CSNK1A1: variants seen among roughly 807,000 people sequenced by gnomAD.
CSNK1A1 encodes the protein casein kinase 1 alpha 1, also known as casein kinase I isoform alpha.
A neutral mutation model predicts 46.1 loss-of-function variants in CSNK1A1; 7 were observed. That is an observed-to-expected ratio of 0.15 (90% CI 0.09 to 0.29). CSNK1A1 has a LOEUF of 0.29. Ranked by LOEUF, CSNK1A1 falls within the 10% of genes least tolerant of loss-of-function variation. CSNK1A1 has a pLI of 1.00. For missense variants in CSNK1A1, 96 were observed against 417.1 expected, an observed-to-expected ratio of 0.23 and a Z score of 6.71; for synonymous variants, 137 against 141.5, an observed-to-expected ratio of 0.97 and a Z score of 0.23.
In CSNK1A1 at chr5:149,495,231, AAAC is replaced by A. The variant is rs1413214778; in HGVS notation, c.*1619_*1621del. 1.3e-5 allele frequency: 2 copies of A among 152,232 alleles called. No individual in the cohort carries two copies. Among genetic ancestry groups the A allele is most frequent in the Non-Finnish European group, 2.9e-5 (2 of 68,042 alleles). The allele number at this position is 152,232 out of a possible 1,614,324, so 9.4% of individuals were successfully genotyped here. A position where few individuals can be genotyped will look rare whatever the true frequency, so the allele number is the denominator to read the frequency against. On this transcript the variant is annotated 3_prime_UTR_variant, in exon 10 of 10. Transcript: ENST00000377843. ...TTTCAAATAAAAAAAAGAAAAAAGA[AAAC>A]AAAACAAATTAAACTTGACACAATC...
At position 149,493,054 on chromosome 5, in the gene CSNK1A1, C is replaced by T. The variant is rs749568712; in HGVS notation, c.*3799G>A. The stretch of plus-strand genomic sequence containing the variant: ...TATAATCCTTCAAGTGGCTCCTGTG[C>T]CCTTTTGACATGTATCCACCTTTTT... On this transcript the variant is annotated 3_prime_UTR_variant, in exon 10 of 10. Transcript: ENST00000377843. 2.0e-5 allele frequency: 3 copies of T among 152,174 alleles called. No homozygotes were observed. Among genetic ancestry groups the T allele is most frequent in the Non-Finnish European group, 4.4e-5 (3 of 68,050 alleles). 9.4% of individuals were successfully genotyped at this position (152,174 alleles called of 1,614,324 possible). A position where few individuals can be genotyped will look rare whatever the true frequency, so the allele number is the denominator to read the frequency against.
At chr5:149,545,818 G>A (rs532990036) in intron 2 of CSNK1A1, 42 of 461,470 alleles carry the variant, frequency 9.1e-5, no homozygotes, top group African/African-American at 3.5e-4. Flanking sequence ...CTTAAGCCGC[G>A]GCTCTCCAAG....
chr5:149,540,406 A>G lies in CSNK1A1; in HGVS notation c.230+9669T>C, dbSNP rs112557533. Among the ~76,000 whole-genome samples the G allele has an allele frequency of 8.2e-4, 125 of 152,304 alleles. 2 individuals carry two copies. Among genetic ancestry groups the G allele is most frequent in the African/African-American group, 2.7e-3 (114 of 41,562 alleles). On this transcript the variant is annotated intron_variant, in intron 2 of 9. Transcript: ENST00000377843. ...CCCACTGCTCACACCGACAAGAAAA[A>G]GGCAGTATTTTAGTTCTTCAAAGGA...
chr5:149,495,159 T>A lies in CSNK1A1; in HGVS notation c.*1694A>T, dbSNP rs1214162228. 6.6e-6 allele frequency: 1 copy of A among 152,144 alleles called. No individual in the cohort carries two copies. The highest frequency in any genetic ancestry group is 1.5e-5 in the Non-Finnish European group (1 of 68,032). 9.4% of individuals were successfully genotyped at this position (152,144 alleles called of 1,614,324 possible). A position where few individuals can be genotyped will look rare whatever the true frequency, so the allele number is the denominator to read the frequency against. The stretch of plus-strand genomic sequence containing the variant: ...TCAGTATTACGGTACTAATATCCCT[T>A]AATGGCAGAATGTGATAATCATGGA... On this transcript the variant is annotated 3_prime_UTR_variant, in exon 10 of 10. Coordinates refer to ENST00000377843, the MANE Select transcript of CSNK1A1 (RefSeq NM_001892.6).
At chr5:149,523,791 T>C (rs543348066) in intron 3 of CSNK1A1, among the ~76,000 whole-genome samples, 17 of 152,240 alleles carry the variant, frequency 1.1e-4, no homozygotes, top group Non-Finnish European at 2.4e-4. Flanking sequence ...ATCCATTACT[T>C]CAAACATTTA....
At chr5:149,528,869 C>G (rs1012064420) in intron 2 of CSNK1A1, among the ~76,000 whole-genome samples, 1 of 152,108 alleles carries the variant, frequency 6.6e-6, no homozygotes, top group African/African-American at 2.4e-5. Context: ...AGCACTAACC[C>G]GATTCTCTGA....
intron 4 of CSNK1A1, among the ~76,000 whole-genome samples, chr5:149,516,027 G>A (rs1429458556): frequency 6.6e-6 from 1 of 152,124 alleles, no homozygotes; most frequent in Non-Finnish European, 1.5e-5. Flanking sequence ...TTGATAAATA[G>A]GGGATAATTT....
intron 2 of CSNK1A1, among the ~76,000 whole-genome samples, chr5:149,528,456 C>T (rs1280661341): frequency 6.6e-6 from 1 of 152,192 alleles, no homozygotes. Flanking sequence ...TAGAACGTCA[C>T]ACCCTCCATC....
At chr5:149,530,463 T>C (rs565705728) in intron 2 of CSNK1A1, among the ~76,000 whole-genome samples, 3 of 152,218 alleles carry the variant, frequency 2.0e-5, no homozygotes, top group Non-Finnish European at 2.9e-5. Flanking sequence ...GTATCAACAC[T>C]GAATCAGTGC....
intron 4 of CSNK1A1, among the ~76,000 whole-genome samples, chr5:149,516,622 G>A (rs964457474): frequency 1.3e-5 from 2 of 151,992 alleles, no homozygotes; most frequent in African/African-American, 2.4e-5. Flanking sequence ...ATGATGCTAC[G>A]AAATGTAAGC....
rs1290913897 is a variant in CSNK1A1 at position 149,525,308 on chromosome 5, C to T, written c.231-137G>A. The T allele has an allele frequency of 5.6e-6, 5 of 886,366 alleles. No individual in the cohort carries two copies. In the African/African-American group the frequency reaches 6.9e-5, roughly 12 times the overall value. The allele number at this position is 886,366 out of a possible 1,614,324, so 54.9% of individuals were successfully genotyped here. On this transcript the variant is annotated intron_variant, in intron 2 of 9. Coordinates refer to ENST00000377843, the MANE Select transcript of CSNK1A1 (RefSeq NM_001892.6). The surrounding 1 kb of genome is among the most constrained non-coding windows in gnomAD (Gnocchi z 4.2). ...TGTTCCCCTACTCAGAAGACAAACC[C>T]ACTAATTAACTACAAGGCCCAAAGA... is the stretch of plus-strand genomic sequence containing the variant.
chr5:149,530,838 C>T (rs781719887), intron 2 of CSNK1A1, among the ~76,000 whole-genome samples: 13 of 151,848 alleles, frequency 8.6e-5, no homozygotes, highest in South Asian at 8.3e-4. Context: ...TGGTGGTGGG[C>T]GCCTATAGTC....
At chr5:149,497,930 T>C in intron 9 of CSNK1A1, 1 of 722,666 alleles carries the variant, frequency 1.4e-6, no homozygotes, top group Non-Finnish European at 1.7e-6. Flanking sequence ...GCCTCCTGGG[T>C]TCAAGCGATT....
At chr5:149,503,979 G>C (rs1219704170) in intron 9 of CSNK1A1, 1 of 985,278 alleles carries the variant, frequency 1.0e-6, no homozygotes, top group Non-Finnish European at 1.2e-6. Flanking sequence ...ACAAGTCCTT[G>C]GGTTAGAGAC....
At chr5:149,539,715 A>C (rs1031653728) in intron 2 of CSNK1A1, among the ~76,000 whole-genome samples, 1 of 152,048 alleles carries the variant, frequency 6.6e-6, no homozygotes, top group Non-Finnish European at 1.5e-5. Flanking sequence ...GTTAGGGATT[A>C]GTTGTCTTTT....
chr5:149,516,386 G>C (rs1761404965), intron 4 of CSNK1A1, among the ~76,000 whole-genome samples: 1 of 151,096 alleles, frequency 6.6e-6, no homozygotes, highest in African/African-American at 2.4e-5. Context: ...AAAAAAAGTA[G>C]GGGGATAATT....
At chr5:149,542,510 C>T (rs1762266654) in intron 2 of CSNK1A1, among the ~76,000 whole-genome samples, 1 of 130,434 alleles carries the variant, frequency 7.7e-6, no homozygotes, top group Non-Finnish European at 1.6e-5. Context: ...GCCAAAAAGG[C>T]TGGGGACCAC....
chr5:149,523,285 C>T (rs1480754025), intron 3 of CSNK1A1, among the ~76,000 whole-genome samples: 2 of 152,134 alleles, frequency 1.3e-5, no homozygotes, highest in South Asian at 2.1e-4. Flanking sequence ...GGTGATTTAC[C>T]GGCCTTGGCC....
chr5:149,538,814 C>T (rs1208150484), intron 2 of CSNK1A1, among the ~76,000 whole-genome samples: 3 of 151,892 alleles, frequency 2.0e-5, no homozygotes, highest in Non-Finnish European at 4.4e-5. Context: ...CCCAGCTACT[C>T]AGGAGGCTGA....
Sources: allele counts gnomAD v4.1 joint callset (sites outside exome capture counted in the v4.1 genomes callset), GRCh38; gene constraint gnomAD v4.1.1; non-coding constraint Gnocchi (gnomAD v3.1); transcripts MANE v1.5; gene names NCBI Gene and HGNC (gene_info 2026-07-23, HGNC 2026-07-21).